The following MYCBP2 variants were observed in gnomAD, a reference collection of about 807,000 sequenced individuals.
MYCBP2 encodes E3 ubiquitin-protein ligase MYCBP2.
Under a neutral mutation model 525.3 loss-of-function variants are expected in MYCBP2, and 120 were observed. The ratio of observed to expected loss-of-function variants is 0.23; its 90% CI spans 0.20 to 0.27. MYCBP2 has a LOEUF of 0.27. Among genes scored for constraint, MYCBP2 ranks in the 10% least tolerant of loss-of-function variants. MYCBP2 has a pLI of 1.00. For synonymous variants in MYCBP2, 1,894 were observed against 1,955.8 expected (o/e 0.97, Z 0.83); for missense variants, 4,149 against 5,657.1 (o/e 0.73, Z 8.55).
intron 1 of MYCBP2, among the ~76,000 whole-genome samples, chr13:77,320,891 G>A (rs1008736544): frequency 2.0e-5 from 3 of 152,196 alleles, no homozygotes; most frequent in African/African-American, 7.2e-5. Context: ...CCCTTAAGGA[G>A]CTAGATTTAT....
intron 32 of MYCBP2, among the ~76,000 whole-genome samples, chr13:77,182,292 T>C (rs1294246122): frequency 6.6e-6 from 1 of 152,242 alleles, no homozygotes; most frequent in Non-Finnish European, 1.5e-5. Context: ...GGACTGAGAC[T>C]ATTTTTCTCA....
intron 5 of MYCBP2, 58 bp downstream of exon 5, chr13:77,273,414 A>T: frequency 6.9e-7 from 1 of 1,446,858 alleles, no homozygotes; most frequent in Non-Finnish European, 9.2e-7. Flanking sequence ...ACAGAAATTG[A>T]GACGAAACTG....
At chr13:77,185,498 T>C (rs1391894491) in intron 31 of MYCBP2, 121 bp from the exon 32 acceptor site, 6 of 1,077,052 alleles carry the variant, frequency 5.6e-6, no homozygotes, top group African/African-American at 1.6e-5. Context: ...ATCTTAGAAA[T>C]GAAACAACTT....
rs1157253692 is a variant in MYCBP2, at chr13:77,176,628, T to G, written c.5341A>C (p.Ser1781Arg). 2.0e-6 allele frequency: 3 copies of G among 1,511,762 alleles called. No individual in the cohort carries two copies. Among genetic ancestry groups the G allele is most frequent in the Non-Finnish European group, 2.7e-6 (3 of 1,125,958 alleles). The allele number at this position is 1,511,762 out of a possible 1,614,324, so 93.6% of individuals were successfully genotyped here. A position where few individuals can be genotyped will look rare whatever the true frequency, so the allele number is the denominator to read the frequency against. Reference sequence around the variant, plus strand: ...TGAGTTGAATCTCCTGCATGTTCACTCTAAAAAAAAAAAATGAAACACAAA... The same window carrying G: ...TGAGTTGAATCTCCTGCATGTTCACGCTAAAAAAAAAAAATGAAACACAAA... The part of the protein sequence containing the change: ...EYELEVLVDD[S>R]EHAGDSTHSH... The change falls in exon 36 of 83, where the codon AGT becomes CGT. Residue 1781 changes from serine (S) to arginine (R), a missense_variant and splice_region_variant. This residue lies in a region of MYCBP2 where 109 missense variants were observed against 118.9 expected (regional missense o/e 0.92). Transcript: ENST00000544440.
chr13:77,298,919 A>C lies in MYCBP2; in HGVS notation c.303-2245T>G, dbSNP rs528377993. Among the ~76,000 whole-genome samples, 3 of 152,360 alleles carry C rather than the reference A, an allele frequency of 2.0e-5. No homozygotes were observed. The South Asian group carries it at 6.2e-4, about 32-fold the overall frequency. ...ATGTCTATTTCAACTGTGTACTTTCAGCACCTGCATCAATGTGAAGCATCA... is the reference window on the plus strand; with the variant it reads ...ATGTCTATTTCAACTGTGTACTTTCCGCACCTGCATCAATGTGAAGCATCA... On this transcript the variant is annotated intron_variant, in intron 1 of 82. Coordinates refer to ENST00000544440, the MANE Select transcript of MYCBP2 (RefSeq NM_015057.5).
In MYCBP2 at chr13:77,068,921, A is replaced by G. The variant is rs2040637946; in HGVS notation, c.11905-90T>C. ...AACAAGCAAACAAAAGAATAAGACA[A>G]GAATGTAAATTGATACTCAATTTAA... On this transcript the variant is annotated intron_variant, in intron 69 of 82. Coordinates refer to ENST00000544440, the MANE Select transcript of MYCBP2 (RefSeq NM_015057.5). 6.2e-6 allele frequency: 8 copies of G among 1,286,562 alleles called. No homozygotes were observed. The East Asian group carries it at 1.9e-4, about 30-fold the overall frequency. 79.7% of individuals were successfully genotyped at this position (1,286,562 alleles called of 1,614,324 possible).
intron 55 of MYCBP2, among the ~76,000 whole-genome samples, chr13:77,111,583 A>ATTT (rs33938909): frequency 6.8e-6 from 1 of 147,352 alleles, no homozygotes; most frequent in Non-Finnish European, 1.5e-5. Context: ...TGCTTGGCTA[A>ATTT]TTTTTTTTTT....
intron 51 of MYCBP2, among the ~76,000 whole-genome samples, chr13:77,139,592 T>G (rs1222292799): frequency 6.6e-6 from 1 of 152,218 alleles, no homozygotes; most frequent in Non-Finnish European, 1.5e-5. Flanking sequence ...AACCACACTT[T>G]AAGATACATA....
intron 62 of MYCBP2, among the ~76,000 whole-genome samples, chr13:77,085,763 GGGT>G (rs1449378014): frequency 6.6e-6 from 1 of 152,072 alleles, no homozygotes. Context: ...AGAGCTCAGG[GGGT>G]ACCACTTGAA....
At chr13:77,306,694 T>C (rs1035182329) in intron 1 of MYCBP2, among the ~76,000 whole-genome samples, 1 of 152,152 alleles carries the variant, frequency 6.6e-6, no homozygotes, top group Non-Finnish European at 1.5e-5. Context: ...TTGAAGCAAT[T>C]GTAAAACTGT....
intron 55 of MYCBP2, among the ~76,000 whole-genome samples, chr13:77,112,325 T>C (rs891216401): frequency 1.4e-4 from 20 of 146,698 alleles, no homozygotes; most frequent in African/African-American, 4.9e-4. Flanking sequence ...ATATATAATG[T>C]TTTATTTATA....
chr13:77,125,222 T>C lies in MYCBP2; in HGVS notation c.8017+114A>G, dbSNP rs1266348612. The C allele has an allele frequency of 1.0e-5, 14 of 1,335,982 alleles. No homozygotes were observed. The Admixed American group carries it at 3.2e-4, about 31-fold the overall frequency. The allele number at this position is 1,335,982 out of a possible 1,614,324, so 82.8% of individuals were successfully genotyped here. A position where few individuals can be genotyped will look rare whatever the true frequency, so the allele number is the denominator to read the frequency against. On this transcript the variant is annotated intron_variant, in intron 54 of 82. Transcript: ENST00000544440. The stretch of plus-strand genomic sequence containing the variant: ...AAGATTTTTTAACTTTTAGTTTTGC[T>C]TGTTAAAAAGCAAACACACAAAAAA...
intron 43 of MYCBP2, among the ~76,000 whole-genome samples, chr13:77,164,229 T>C (rs559964137): frequency 3.3e-5 from 5 of 152,286 alleles, no homozygotes; most frequent in African/African-American, 1.2e-4. Context: ...TCAAAGCATG[T>C]ATATGCATAA....
intron 82 of MYCBP2, among the ~76,000 whole-genome samples, chr13:77,048,083 C>T (rs1273310238): frequency 6.6e-6 from 1 of 152,116 alleles, no homozygotes; most frequent in Non-Finnish European, 1.5e-5. Context: ...TATCTTGGTG[C>T]ACTGCTGAGA....
chr13:77,128,366 G>C (rs566360487), intron 52 of MYCBP2, among the ~76,000 whole-genome samples: 3 of 151,780 alleles, frequency 2.0e-5, no homozygotes, highest in African/African-American at 7.2e-5. Flanking sequence ...AATATCCATA[G>C]ATTTAGCAAA....
At chr13:77,248,445 T>G (rs2070468392) in intron 15 of MYCBP2, among the ~76,000 whole-genome samples, 1 of 152,096 alleles carries the variant, frequency 6.6e-6, no homozygotes, top group African/African-American at 2.4e-5. Context: ...ACAACCTGAT[T>G]CAAAAGTGAG....
chr13:77,132,191 T>A (rs2052999007), intron 52 of MYCBP2, among the ~76,000 whole-genome samples: 1 of 152,120 alleles, frequency 6.6e-6, no homozygotes, highest in Admixed American at 6.6e-5. Flanking sequence ...TTAATATTAT[T>A]GAGATTAAAA....
intron 55 of MYCBP2, among the ~76,000 whole-genome samples, chr13:77,114,584 T>C (rs1000052317): frequency 2.0e-5 from 3 of 151,862 alleles, no homozygotes; most frequent in African/African-American, 7.2e-5. Flanking sequence ...TCACATTTAA[T>C]TTTTTTTGTC....
intron 80 of MYCBP2, among the ~76,000 whole-genome samples, chr13:77,053,170 G>T (rs1374678696): frequency 1.3e-5 from 2 of 151,366 alleles, no homozygotes; most frequent in Non-Finnish European, 2.9e-5. Context: ...TGATAATTCT[G>T]TTCAGAATTC....
Sources: gnomAD v4.1 joint callset for allele counts (sites outside exome capture counted in the v4.1 genomes callset) on GRCh38, gnomAD v4.1.1 for gene constraint, gnomAD v4.1.1 regional missense constraint, MANE v1.5 for transcripts, NCBI Gene and HGNC (gene_info 2026-07-23, HGNC 2026-07-21) for gene names.